ZNF79: variants seen among roughly 807,000 people sequenced by gnomAD.
The protein encoded by ZNF79 is ZNFpT7.
ZNF79 carries 13 observed loss-of-function variants against 14.9 expected under a neutral mutation model. That is an observed-to-expected ratio of 0.87 (90% CI 0.57 to 1.38). The LOEUF (loss-of-function observed/expected upper bound fraction) is 1.38, where lower values mean the gene tolerates loss of function less well. Among genes scored for constraint, ZNF79 ranks in the 40% most tolerant of loss-of-function variants. The pLI is 0.00. For missense variants in ZNF79, 631 were observed against 630.6 expected, an observed-to-expected ratio of 1.00 and a Z score of -0.01; for synonymous variants, 223 against 235.1, an observed-to-expected ratio of 0.95 and a Z score of 0.47.
At chr9:127,428,702 T>G in intron 1 of ZNF79, 130 bp from the exon 2 acceptor site, 1 of 1,260,158 alleles carries the variant, frequency 7.9e-7, no homozygotes, top group Non-Finnish European at 1.0e-6. Context: ...AATGGAGAAA[T>G]TTACATCACA....
At chr9:127,440,446 C>G (rs1426413585) in intron 4 of ZNF79, among the ~76,000 whole-genome samples, 1 of 152,088 alleles carries the variant, frequency 6.6e-6, no homozygotes, top group Admixed American at 6.5e-5. Flanking sequence ...ACCTGTGTGG[C>G]CAGAGCTTAG....
At chr9:127,434,573 CAA>C (rs956397565) in intron 2 of ZNF79, among the ~76,000 whole-genome samples, 357 of 152,234 alleles carry the variant, frequency 2.3e-3, no homozygotes, top group African/African-American at 8.2e-3. Flanking sequence ...TGTGTGAAGA[CAA>C]GAGACAGTGG....
At chr9:127,440,150 C>T (rs920023676) in intron 4 of ZNF79, among the ~76,000 whole-genome samples, 2 of 152,206 alleles carry the variant, frequency 1.3e-5, no homozygotes, top group Admixed American at 1.3e-4. Context: ...GCATGAGCCA[C>T]CGCGCCCGGC....
chr9:127,437,618 CTG>C (rs1452710175), intron 4 of ZNF79, among the ~76,000 whole-genome samples: 3 of 151,310 alleles, frequency 2.0e-5, no homozygotes, highest in Non-Finnish European at 4.4e-5. Flanking sequence ...AGGTCTGAAA[CTG>C]AGGTGTCAGC....
At chr9:127,439,561 T>C (rs1834014092) in intron 4 of ZNF79, among the ~76,000 whole-genome samples, 1 of 152,076 alleles carries the variant, frequency 6.6e-6, no homozygotes, top group Non-Finnish European at 1.5e-5. Context: ...GGGCCCTGGG[T>C]TATTCTACCC....
Position 127,444,288 on chromosome 9 carries a change from T to C in ZNF79, c.588T>C (p.Asn196=), listed in dbSNP as rs377682538. ...ACAGAGCAAAACCATATGCATGTAA[T>C]GAATGTGGCAAAGCCTTCAGTTACT... ...KPHRAKPYAC[N]ECGKAFSYCS... Residue 196 remains asparagine (N), a synonymous_variant, in exon 5 of 5, where the codon AAT becomes AAC. Transcript: ENST00000342483. 1.9e-6 allele frequency: 3 copies of C among 1,613,946 alleles called. No individual in the cohort carries two copies. In the African/African-American group the frequency reaches 4.0e-5, roughly 22 times the overall value.
Position 127,445,172 on chromosome 9 carries a change from A to T in ZNF79, c.1472A>T (p.His491Leu), listed in dbSNP as rs551465890. Residue 491 changes from histidine to leucine, a missense_variant, in exon 5 of 5, where the codon CAT (histidine) becomes CTT (leucine). Transcript: ENST00000342483. ...CGGTGCAGCTCTGCCTTCGTTAGAC[A>T]TCAGAGACTCCACGCCGGAGAGTAA... ...AFRCSSAFVR[H>L]QRLHAGE is the part of the protein sequence containing the mutation. The T allele has an allele frequency of 1.2e-6, 2 of 1,614,052 alleles. No homozygotes were observed. Among genetic ancestry groups the T allele is most frequent in the East Asian group, 4.5e-5 (2 of 44,896 alleles).
At chr9:127,432,803 T>C (rs1833884348) in intron 2 of ZNF79, among the ~76,000 whole-genome samples, 1 of 152,230 alleles carries the variant, frequency 6.6e-6, no homozygotes, top group Non-Finnish European at 1.5e-5. Flanking sequence ...ACCCTAATAT[T>C]CTAAATTTCT....
At chr9:127,441,276 G>A (rs1214023244) in intron 4 of ZNF79, among the ~76,000 whole-genome samples, 2 of 152,098 alleles carry the variant, frequency 1.3e-5, no homozygotes, top group Non-Finnish European at 2.9e-5. Context: ...TGGTTTATAA[G>A]GAGAAGGTAC....
At position 127,444,373 on chromosome 9, in the gene ZNF79, G is replaced by A. The variant is rs549593462; in HGVS notation, c.673G>A (p.Glu225Lys). 95 of 1,612,658 alleles carry A rather than the reference G, an allele frequency of 5.9e-5. 1 individual carries two copies. The South Asian group carries it at 9.6e-4, about 16-fold the overall frequency. The change falls in exon 5 of 5, where the codon GAA becomes AAA. Residue 225 changes from glutamate (E) to lysine (K), a missense_variant. Glu to Lys is a moderately conservative substitution (Grantham distance 56). Transcript: ENST00000342483. Reference protein sequence around the residue: ...HTGEKPYECSECGKAFSQSSS... With the variant: ...HTGEKPYECSKCGKAFSQSSS... ...TGGAGAGAAGCCCTATGAGTGCAGT[G>A]AATGTGGGAAGGCCTTCAGCCAGAG...
intron 2 of ZNF79, among the ~76,000 whole-genome samples, chr9:127,432,211 G>A (rs936216397): frequency 6.7e-6 from 1 of 148,224 alleles, no homozygotes; most frequent in Non-Finnish European, 1.5e-5. Flanking sequence ...GCAGTGGCGC[G>A]ATGTCGGCTC....
chr9:127,435,641 C>T (rs1406162047), intron 3 of ZNF79, among the ~76,000 whole-genome samples: 1 of 152,090 alleles, frequency 6.6e-6, no homozygotes, highest in East Asian at 1.9e-4. Context: ...TTTTGGGAGG[C>T]CAAGGTGGAA....
chr9:127,434,638 G>C (rs1487422477), intron 2 of ZNF79, among the ~76,000 whole-genome samples: 1 of 152,150 alleles, frequency 6.6e-6, no homozygotes, highest in Admixed American at 6.6e-5. Flanking sequence ...TGCAATGCTG[G>C]TGATCAATAA....
rs1190844875 is a variant in ZNF79 at position 127,445,207 on chromosome 9, T to C, written c.*10T>C. ...CCACGCCGGAGAGTAACTAGGAACATGGTAGAAGTGGAGAGAGTCCCGGAC... is the reference window on the plus strand; with the variant it reads ...CCACGCCGGAGAGTAACTAGGAACACGGTAGAAGTGGAGAGAGTCCCGGAC... On this transcript the variant is annotated 3_prime_UTR_variant, in exon 5 of 5. Transcript: ENST00000342483. 6.2e-7 allele frequency: 1 copy of C among 1,611,970 alleles called. No individual in the cohort carries two copies. Among genetic ancestry groups the C allele is most frequent in the Non-Finnish European group, 8.5e-7 (1 of 1,178,668 alleles).
intron 1 of ZNF79, among the ~76,000 whole-genome samples, chr9:127,427,214 T>C (rs1446127344): frequency 1.3e-5 from 2 of 149,816 alleles, no homozygotes; most frequent in African/African-American, 4.9e-5. Context: ...GGTCAGGAGT[T>C]CGAGACCAGC....
At chr9:127,434,119 G>A (rs1833905476) in intron 2 of ZNF79, among the ~76,000 whole-genome samples, 1 of 151,550 alleles carries the variant, frequency 6.6e-6, no homozygotes, top group African/African-American at 2.4e-5. Context: ...CTAAACACAC[G>A]AGGACTGTGT....
intron 1 of ZNF79, among the ~76,000 whole-genome samples, chr9:127,427,280 G>C (rs1478312944): frequency 1.3e-5 from 2 of 151,006 alleles, no homozygotes; most frequent in Admixed American, 1.3e-4. Context: ...AAAGTTAGCC[G>C]GGCGTGGTGG....
chr9:127,430,168 A>G (rs1833834977), intron 2 of ZNF79, among the ~76,000 whole-genome samples: 1 of 152,130 alleles, frequency 6.6e-6, no homozygotes, highest in Non-Finnish European at 1.5e-5. Context: ...CTGCTCTGTA[A>G]TGTTTTTATT....
In ZNF79 at chr9:127,444,517, G is replaced by A. The variant is rs138472657; in HGVS notation, c.817G>A (p.Gly273Arg). The A allele has an allele frequency of 2.9e-5, 46 of 1,613,642 alleles. No homozygotes were observed. The highest frequency in any genetic ancestry group is 1.6e-4 in the South Asian group (15 of 91,058). The change falls in exon 5 of 5, where the codon GGA (glycine) becomes AGA (arginine). Residue 273 changes from glycine (G) to arginine (R), a missense_variant. Physicochemically the swap from Gly to Arg is moderately radical, Grantham distance 125. Coordinates refer to ENST00000342483, the MANE Select transcript of ZNF79 (RefSeq NM_007135.3). ...NLTKHQRTHTGEKPYRCSECE... is the reference protein window; with the variant it reads ...NLTKHQRTHTREKPYRCSECE... ...CACCAAACACCAGCGAACCCACACC[G>A]GAGAGAAGCCCTACAGATGCAGCGA...
Sources: allele counts gnomAD v4.1 joint callset (sites outside exome capture counted in the v4.1 genomes callset), GRCh38; gene constraint gnomAD v4.1.1; transcripts MANE v1.5; gene names NCBI Gene and HGNC (gene_info 2026-07-23, HGNC 2026-07-21).